Variants in GRID2IP observed in about 807,000 individuals in gnomAD.
GRID2IP encodes the protein delphilin.
A neutral mutation model predicts 114.3 loss-of-function variants in GRID2IP; 78 were observed. The observed-to-expected ratio is 0.68, with a 90% CI of 0.57 to 0.82. GRID2IP has a LOEUF of 0.82. Among genes scored for constraint, GRID2IP ranks in the 40% least tolerant of loss-of-function variants. The probability of loss-of-function intolerance (pLI) is 0.00; values close to 1 mark genes in which losing one functional copy is unlikely to be tolerated. For missense variants in GRID2IP, 1,727 were observed against 1,678.5 expected (o/e 1.03, Z -0.51); for synonymous variants, 809 against 724.0 (o/e 1.12, Z -1.89).
At chr7:6,515,813 A>T (rs551679518) in intron 7 of GRID2IP, among the ~76,000 whole-genome samples, 1 of 151,792 alleles carries the variant, frequency 6.6e-6, no homozygotes, top group Non-Finnish European at 1.5e-5. Context: ...CAAAAATAAA[A>T]ATAGGCTGGG....
chr7:6,506,824 G>C lies in GRID2IP; in HGVS notation c.2545-917C>G, dbSNP rs1786605736. 6.6e-6 allele frequency among the ~76,000 whole-genome samples: 1 copy of C among 152,026 alleles called. No homozygotes were observed. Among genetic ancestry groups the C allele is most frequent in the East Asian group, 1.9e-4 (1 of 5,186 alleles). On this transcript the variant is annotated intron_variant, in intron 13 of 21. Transcript: ENST00000457091. The surrounding 1 kb of genome is among the most constrained non-coding windows in gnomAD (Gnocchi z 5.2). ...AGCCTCCCGAGTAGCTGGGACCACA[G>C]GCATGCACCACCAGGTCTGGCTAAC...
chr7:6,538,390 CAAAACA>C (rs975777514), intron 2 of GRID2IP, among the ~76,000 whole-genome samples: 2 of 135,870 alleles, frequency 1.5e-5, no homozygotes, highest in African/African-American at 5.6e-5. Flanking sequence ...CAAAACAAAA[CAAAACA>C]AAACAAAACA....
chr7:6,529,955 CTCTCTCT>C (rs1256196633), intron 2 of GRID2IP, among the ~76,000 whole-genome samples: 3 of 97,352 alleles, frequency 3.1e-5, no homozygotes, highest in Non-Finnish European at 4.9e-5. Flanking sequence ...CTCTCTCTCT[CTCTCTCT>C]TTTTTTTTTT....
chr7:6,510,191 C>G, intron 11 of GRID2IP, 92 bp downstream of exon 11: 1 of 815,998 alleles, frequency 1.2e-6, no homozygotes, highest in Non-Finnish European at 1.9e-6. Flanking sequence ...TGGGACAACC[C>G]TGACCCTGAT....
chr7:6,545,522 C>T (rs779420856), intron 1 of GRID2IP, among the ~76,000 whole-genome samples: 2 of 152,252 alleles, frequency 1.3e-5, no homozygotes, highest in African/African-American at 2.4e-5. Flanking sequence ...TATATCCACC[C>T]GCTTTCTAGA....
intron 11 of GRID2IP, 34 bp downstream of exon 11, chr7:6,510,249 C>T (rs559754972): frequency 1.4e-6 from 2 of 1,418,226 alleles, no homozygotes; most frequent in Admixed American, 2.2e-5. Flanking sequence ...GAGGGAAACA[C>T]CCAGACAGTA....
chr7:6,534,316 G>A lies in GRID2IP; in HGVS notation c.584+5402C>T, dbSNP rs1477723964. Among the ~76,000 whole-genome samples the A allele has an allele frequency of 3.3e-5, 5 of 152,058 alleles. No individual in the cohort carries two copies. The highest frequency in any genetic ancestry group is 4.8e-5 in the African/African-American group (2 of 41,400). ...CACTCATATTTCCTGAAACGCTAGC[G>A]GACCACAAAGCTGACTCTGCTTTCC... On this transcript the variant is annotated intron_variant, in intron 2 of 21. Coordinates refer to ENST00000457091, the MANE Select transcript of GRID2IP (RefSeq NM_001145118.2). The surrounding 1 kb of genome is among the most constrained non-coding windows in gnomAD (Gnocchi z 4.5).
intron 4 of GRID2IP, among the ~76,000 whole-genome samples, chr7:6,524,038 A>G (rs905850052): frequency 1.3e-5 from 2 of 152,200 alleles, no homozygotes; most frequent in African/African-American, 4.8e-5. Flanking sequence ...ATCGGGGAAG[A>G]ACCTGAACAT....
At chr7:6,505,043 G>A (rs545179984) in intron 14 of GRID2IP, among the ~76,000 whole-genome samples, 173 bp from the exon 15 acceptor site, 175 of 152,308 alleles carry the variant, frequency 1.1e-3, no homozygotes, top group Non-Finnish European at 1.4e-3. Context: ...TTCAGGTCCT[G>A]TGTGTAACCT....
At chr7:6,513,138 C>T (rs575212204) in intron 8 of GRID2IP, among the ~76,000 whole-genome samples, 5 of 152,302 alleles carry the variant, frequency 3.3e-5, no homozygotes, top group African/African-American at 4.8e-5. Flanking sequence ...AGAAAGAGTA[C>T]ACTGGGAGCC....
intron 1 of GRID2IP, among the ~76,000 whole-genome samples, chr7:6,543,599 C>T (rs1022007105): frequency 2.6e-5 from 4 of 151,920 alleles, no homozygotes; most frequent in African/African-American, 9.7e-5. Flanking sequence ...TATGCCTCCA[C>T]TTTATTCATC....
At chr7:6,503,343 C>A in intron 16 of GRID2IP, 148 bp downstream of exon 16, 1 of 987,824 alleles carries the variant, frequency 1.0e-6, no homozygotes, top group Non-Finnish European at 1.4e-6. Context: ...CCTGATAGGA[C>A]CCGGCCATTA....
intron 1 of GRID2IP, among the ~76,000 whole-genome samples, chr7:6,549,857 C>T (rs186014223): frequency 7.4e-4 from 111 of 150,844 alleles, no homozygotes; most frequent in African/African-American, 2.5e-3. Context: ...TCTCAAACTC[C>T]TGAGTTCAAG....
intron 20 of GRID2IP, among the ~76,000 whole-genome samples, chr7:6,499,391 T>C (rs767238721): frequency 6.6e-4 from 100 of 152,336 alleles, no homozygotes; most frequent in Non-Finnish European, 1.2e-3. Context: ...GCCTGTCTGA[T>C]GTGCCAGGTC....
chr7:6,540,687 ATTT>A (rs34930808), intron 1 of GRID2IP, among the ~76,000 whole-genome samples: 4 of 92,316 alleles, frequency 4.3e-5, no homozygotes, highest in Non-Finnish European at 8.0e-5. Context: ...CACCTGGCTA[ATTT>A]TTTTTTTTTT....
rs1786465504 is a variant in GRID2IP, at chr7:6,503,149, G to C, written c.2922C>G (p.Pro974=). Residue 974 remains proline (P), a synonymous_variant, in exon 17 of 22, where the codon CCC becomes CCG. Coordinates refer to ENST00000457091, the MANE Select transcript of GRID2IP (RefSeq NM_001145118.2). ...GGCTGCGCAGGCGTGTCTTGTATTC[G>C]GGAACTGACAGCATCTGCCTCGAAG... ...DQFVLQMLSV[P]EYKTRLRSLH... is the part of the protein sequence containing the mutation. 3.9e-6 allele frequency: 6 copies of C among 1,532,658 alleles called. No individual in the cohort carries two copies. Among genetic ancestry groups the C allele is most frequent in the Non-Finnish European group, 5.3e-6 (6 of 1,136,652 alleles). 94.9% of individuals were successfully genotyped at this position (1,532,658 alleles called of 1,614,324 possible).
At chr7:6,502,749 A>C in intron 18 of GRID2IP, 37 bp downstream of exon 18, 1 of 1,475,674 alleles carries the variant, frequency 6.8e-7, no homozygotes, top group Non-Finnish European at 9.3e-7. Context: ...TTGCTGGTAG[A>C]GCAAACCAGT....
Position 6,526,350 on chromosome 7 carries a change from G to A in GRID2IP, c.834-41C>T. The A allele has an allele frequency of 1.3e-6, 2 of 1,532,834 alleles. No individual in the cohort carries two copies. Among genetic ancestry groups the A allele is most frequent in the Non-Finnish European group, 1.8e-6 (2 of 1,130,816 alleles). 95.0% of individuals were successfully genotyped at this position (1,532,834 alleles called of 1,614,324 possible). On this transcript the variant is annotated intron_variant, in intron 3 of 21. Coordinates refer to ENST00000457091, the MANE Select transcript of GRID2IP (RefSeq NM_001145118.2). This position sits in a 1 kb window ranked among gnomAD's most constrained non-coding sequence, Gnocchi z 7.6. ...GGGGCGAGCAGCATGATGGAGAGGG[G>A]GCCCTGGGGCGCAGAGGTTGGAGAT...
rs1291604090 is a variant in GRID2IP, at chr7:6,528,513, G to A, written c.585-1744C>T. On this transcript the variant is annotated intron_variant, in intron 2 of 21. Coordinates refer to ENST00000457091, the MANE Select transcript of GRID2IP (RefSeq NM_001145118.2). The surrounding 1 kb of genome is among the most constrained non-coding windows in gnomAD (Gnocchi z 6.0). ...CCCCTGAAGGTCTGGTTGCCTGTGA[G>A]GTCTCCCTGGCTGCATCCCAAGGCC... Among the ~76,000 whole-genome samples the A allele has an allele frequency of 1.3e-5, 2 of 152,182 alleles. No individual in the cohort carries two copies. The highest frequency in any genetic ancestry group is 1.9e-4 in the East Asian group (1 of 5,186).
Sources: gnomAD v4.1 joint callset for allele counts (sites outside exome capture counted in the v4.1 genomes callset) on GRCh38, gnomAD v4.1.1 for gene constraint, Gnocchi (gnomAD v3.1) non-coding constraint, MANE v1.5 for transcripts, NCBI Gene and HGNC (gene_info 2026-07-23, HGNC 2026-07-21) for gene names.